The following TMPRSS4 variants were observed in gnomAD, a reference collection of about 807,000 sequenced individuals.
TMPRSS4 encodes the protein transmembrane serine protease 4, also known as transmembrane protease serine 4.
A neutral mutation model predicts 56.4 loss-of-function variants in TMPRSS4; 45 were observed. That is an observed-to-expected ratio of 0.80 (90% CI 0.63 to 1.02). The LOEUF (loss-of-function observed/expected upper bound fraction) is 1.02. TMPRSS4 is among the 50% of genes least tolerant of loss of function. The pLI is 0.00. For synonymous variants in TMPRSS4, 205 were observed against 211.0 expected, an observed-to-expected ratio of 0.97 and a Z score of 0.25; for missense variants, 546 against 556.7, an observed-to-expected ratio of 0.98 and a Z score of 0.19.
chr11:118,090,771 CTG>C (rs1391572245), intron 1 of TMPRSS4, among the ~76,000 whole-genome samples: 2 of 149,280 alleles, frequency 1.3e-5, no homozygotes, highest in African/African-American at 2.5e-5. Context: ...GAATGAGACT[CTG>C]TCTCTCTCTC....
In TMPRSS4 at chr11:118,118,095, G is replaced by A. The variant is rs185818307; in HGVS notation, c.*182G>A. ...TAAGAGACCCTCGCAGCCCAGAGGC[G>A]CCCAGAGGAAGTCAGCAGCCCTAGC... On this transcript the variant is annotated 3_prime_UTR_variant, in exon 13 of 13. Transcript: ENST00000437212. 47 of 1,442,272 alleles carry A rather than the reference G, an allele frequency of 3.3e-5. No individual in the cohort carries two copies. Among genetic ancestry groups the A allele is most frequent in the Middle Eastern group, 2.5e-4 (1 of 3,926 alleles). The allele number at this position is 1,442,272 out of a possible 1,614,324, so 89.3% of individuals were successfully genotyped here.
At position 118,119,198 on chromosome 11, in the gene TMPRSS4, G is replaced by T; in HGVS notation, c.*1285G>T. 1 of 985,430 alleles carries T rather than the reference G, an allele frequency of 1.0e-6. No homozygotes were observed. The highest frequency in any genetic ancestry group is 4.7e-5 in the South Asian group (1 of 21,286). 61.0% of individuals were successfully genotyped at this position (985,430 alleles called of 1,614,324 possible). A position where few individuals can be genotyped will look rare whatever the true frequency, so the allele number is the denominator to read the frequency against. Reference sequence around the variant, plus strand: ...CAGAACTGTGAGTGGAAACTAAGGTGATGATCTGGGAGCAATACACTAAAA... The same window carrying T: ...CAGAACTGTGAGTGGAAACTAAGGTTATGATCTGGGAGCAATACACTAAAA... On this transcript the variant is annotated 3_prime_UTR_variant, in exon 13 of 13. Coordinates refer to ENST00000437212, the MANE Select transcript of TMPRSS4 (RefSeq NM_019894.4).
intron 1 of TMPRSS4, among the ~76,000 whole-genome samples, chr11:118,089,735 A>G (rs146694609): frequency 7.2e-4 from 109 of 152,314 alleles, no homozygotes; most frequent in Middle Eastern, 3.4e-3. Flanking sequence ...TGCCCAAGTA[A>G]GTTCTTCCCA....
At position 118,118,222 on chromosome 11, in the gene TMPRSS4, T is replaced by A; in HGVS notation, c.*309T>A. On this transcript the variant is annotated 3_prime_UTR_variant, in exon 13 of 13. Transcript: ENST00000437212. ...CCAAGAAGGAACTTTCCCACACTACTGAATGGAAGCAGGCTGTCTTGTAAA... is the reference window on the plus strand; with the variant it reads ...CCAAGAAGGAACTTTCCCACACTACAGAATGGAAGCAGGCTGTCTTGTAAA... The A allele has an allele frequency of 7.7e-7, 1 of 1,302,258 alleles. No homozygotes were observed. The highest frequency in any genetic ancestry group is 9.8e-7 in the Non-Finnish European group (1 of 1,024,770). The allele number at this position is 1,302,258 out of a possible 1,614,324, so 80.7% of individuals were successfully genotyped here. A position where few individuals can be genotyped will look rare whatever the true frequency, so the allele number is the denominator to read the frequency against.
Position 118,111,991 on chromosome 11 carries a change from C to T in TMPRSS4, c.743+91C>T, listed in dbSNP as rs1947300755. ...TCCTGTCTCCTGGCACCGTCCTTCT[C>T]TTCACTCTCCCACTAGAGACGTTTT... is the stretch of plus-strand genomic sequence containing the variant. On this transcript the variant is annotated intron_variant, in intron 8 of 12. Coordinates refer to ENST00000437212, the MANE Select transcript of TMPRSS4 (RefSeq NM_019894.4). 22 of 1,515,218 alleles carry T rather than the reference C, an allele frequency of 1.5e-5. No individual in the cohort carries two copies. The South Asian group carries it at 2.8e-4, about 19-fold the overall frequency. 93.9% of individuals were successfully genotyped at this position (1,515,218 alleles called of 1,614,324 possible).
chr11:118,124,779 A>G (rs1947857061), downstream of TMPRSS4, among the ~76,000 whole-genome samples: 1 of 152,234 alleles, frequency 6.6e-6, no homozygotes, highest in Non-Finnish European at 1.5e-5. Context: ...ATTCTTCTCA[A>G]GCACTTTTGT....
chr11:118,086,332 T>G (rs1945553510), intron 1 of TMPRSS4, among the ~76,000 whole-genome samples: 1 of 152,228 alleles, frequency 6.6e-6, no homozygotes, highest in African/African-American at 2.4e-5. Context: ...CTGGAGCCAT[T>G]ATGTGCTGAG....
intron 1 of TMPRSS4, chr11:118,087,774 A>G (rs887611775): frequency 1.3e-5 from 2 of 152,278 alleles, no homozygotes; most frequent in Non-Finnish European, 2.9e-5. Context: ...ATGATCTAAA[A>G]CAGTGGTAGG....
chr11:118,103,391 T>TGTTTGTTTGTTTGTTTGTTG, intron 4 of TMPRSS4, 138 bp downstream of exon 4: 1 of 1,151,436 alleles, frequency 8.7e-7, no homozygotes, highest in Non-Finnish European at 1.2e-6. Flanking sequence ...TTTGTTTGTT[T>TGTTTGTTTGTTTGTTTGTTG]GTTGTTGTTT....
At chr11:118,088,446 C>T (rs1490810896) in intron 1 of TMPRSS4, 1 of 152,224 alleles carries the variant, frequency 6.6e-6, no homozygotes. Context: ...CTGAGTTGAT[C>T]AGGCAATGGC....
chr11:118,094,046 C>T (rs1340484586), intron 1 of TMPRSS4, among the ~76,000 whole-genome samples: 1 of 152,176 alleles, frequency 6.6e-6, no homozygotes, highest in African/African-American at 2.4e-5. Flanking sequence ...CAGTGACTGA[C>T]GTTTGGGTTT....
At chr11:118,106,837 G>A (rs1478578147) in intron 5 of TMPRSS4, 1 of 152,292 alleles carries the variant, frequency 6.6e-6, no homozygotes, top group African/African-American at 2.4e-5. Context: ...CCCAGAAAAA[G>A]AATATGACCT....
chr11:118,096,826 A>G (rs12223109), intron 2 of TMPRSS4, among the ~76,000 whole-genome samples: 13,131 of 18,646 alleles, frequency 0.7, 5,880 homozygotes, highest in Non-Finnish European at 0.79. Flanking sequence ...AAAGAAAGAG[A>G]GAAAGAAAGA....
chr11:118,082,346 A>G (rs1278384685), intron 1 of TMPRSS4, among the ~76,000 whole-genome samples: 4 of 152,092 alleles, frequency 2.6e-5, no homozygotes, highest in African/African-American at 9.7e-5. Flanking sequence ...GGATCACCTG[A>G]GGTCAGAAGT....
In TMPRSS4 at chr11:118,118,834, T is replaced by C. The variant is rs1947693228; in HGVS notation, c.*921T>C. ...AAATGCTGGTCCTGTGTCCTAACTT[T>C]TTCCGCCTGGAGAGCCCTCAGTGTG... On this transcript the variant is annotated 3_prime_UTR_variant, in exon 13 of 13. Coordinates refer to ENST00000437212, the MANE Select transcript of TMPRSS4 (RefSeq NM_019894.4). 4.1e-6 allele frequency: 4 copies of C among 985,422 alleles called. No homozygotes were observed. The highest frequency in any genetic ancestry group is 4.8e-6 in the Non-Finnish European group (4 of 829,938). The allele number at this position is 985,422 out of a possible 1,614,324, so 61.0% of individuals were successfully genotyped here. A position where few individuals can be genotyped will look rare whatever the true frequency, so the allele number is the denominator to read the frequency against.
In TMPRSS4 at chr11:118,113,325, G is replaced by A; in HGVS notation, c.800G>A (p.Ser267Asn). ...CGGGCAGGCTCAGACAAACTGGGCA[G>A]CTTCCCATCCCTGGCTGTGGCCAAG... ...KVRAGSDKLGSFPSLAVAKII... is the reference protein window; with the variant it reads ...KVRAGSDKLGNFPSLAVAKII... Residue 267 changes from serine to asparagine, a missense_variant, in exon 9 of 13, where the codon AGC becomes AAC. By Grantham distance (46) the Ser-to-Asn change is conservative. Transcript: ENST00000437212. The A allele has an allele frequency of 6.2e-7, 1 of 1,614,144 alleles. No individual in the cohort carries two copies. The highest frequency in any genetic ancestry group is 8.5e-7 in the Non-Finnish European group (1 of 1,180,034).
chr11:118,092,273 C>T (rs1358557939), intron 1 of TMPRSS4, among the ~76,000 whole-genome samples: 7 of 152,176 alleles, frequency 4.6e-5, no homozygotes, highest in South Asian at 2.1e-4. Flanking sequence ...GAGTAATTCA[C>T]GCAGAGCCAG....
rs866590906 is a variant in TMPRSS4, at chr11:118,109,018, C to T, written c.583+122C>T. The T allele has an allele frequency of 1.7e-4, 201 of 1,157,524 alleles. 2 individuals carry two copies. The Middle Eastern group carries it at 4.5e-3, about 26-fold the overall frequency. 71.7% of individuals were successfully genotyped at this position (1,157,524 alleles called of 1,614,324 possible). A position where few individuals can be genotyped will look rare whatever the true frequency, so the allele number is the denominator to read the frequency against. On this transcript the variant is annotated intron_variant, in intron 7 of 12. Transcript: ENST00000437212. ...TTTCATTCTGCCTTGGTCTACAGCC[C>T]TTGGGCTTGTCGGTCAATGCCCCCT...
At chr11:118,081,588 G>A (rs1945140524) in intron 1 of TMPRSS4, among the ~76,000 whole-genome samples, 1 of 152,226 alleles carries the variant, frequency 6.6e-6, no homozygotes. Context: ...AGACATGATG[G>A]CCCCTGTCCA....
Sources: allele counts gnomAD v4.1 joint callset (sites outside exome capture counted in the v4.1 genomes callset), GRCh38; gene constraint gnomAD v4.1.1; transcripts MANE v1.5; gene names NCBI Gene and HGNC (gene_info 2026-07-23, HGNC 2026-07-21).